NEDD1: variants seen among roughly 807,000 people sequenced by gnomAD.
NEDD1 encodes the protein protein NEDD1.
NEDD1 carries 33 observed loss-of-function variants against 74.0 expected under a neutral mutation model. That is an observed-to-expected ratio of 0.45 (90% confidence interval 0.34 to 0.60). The LOEUF is 0.60. Ranked by LOEUF, NEDD1 falls within the 20% of genes least tolerant of loss-of-function variation. NEDD1 has a pLI of 0.01. For synonymous variants in NEDD1, 250 were observed against 264.4 expected, an observed-to-expected ratio of 0.95 and a Z score of 0.53; for missense variants, 746 against 776.5, an observed-to-expected ratio of 0.96 and a Z score of 0.47.
chr12:96,916,816 G>A (rs1435449526), intron 4 of NEDD1, among the ~76,000 whole-genome samples: 1 of 152,140 alleles, frequency 6.6e-6, no homozygotes, highest in Non-Finnish European at 1.5e-5. Flanking sequence ...TACTTATGAA[G>A]GATGGAATAT....
chr12:96,944,508 A>C, intron 12 of NEDD1, 131 bp from the exon 13 acceptor site: 1 of 486,890 alleles, frequency 2.1e-6, no homozygotes. Context: ...CTTCTTCTAT[A>C]TCTCTTCCTA....
At chr12:96,942,430 A>G in intron 10 of NEDD1, 147 bp from the exon 11 acceptor site, 1 of 605,492 alleles carries the variant, frequency 1.7e-6, no homozygotes, top group South Asian at 2.1e-5. Context: ...AGAAATTTAA[A>G]TCAGTATTCT....
rs1485341787 is a variant in NEDD1 at position 96,938,883 on chromosome 12, G to C, written c.1117+1490G>C. ...TGCCTCTGAAACATTGAGAATAGTA[G>C]ACTCAGTCTCAGATCTGTCACTTCC... On this transcript the variant is annotated intron_variant, in intron 9 of 15. Transcript: ENST00000266742. Among the ~76,000 whole-genome samples the C allele has an allele frequency of 3.3e-5, 5 of 151,952 alleles. No homozygotes were observed. In the East Asian group the frequency reaches 7.7e-4, roughly 23 times the overall value.
chr12:96,936,802 T>C lies in NEDD1; in HGVS notation c.911T>C (p.Val304Ala). The change falls in exon 8 of 16, where the codon GTT (valine) becomes GCT (alanine). Residue 304 changes from valine (V) to alanine (A), a missense_variant. Val to Ala is a moderately conservative substitution (Grantham distance 64). This residue lies in a region of NEDD1 where 706 missense variants were observed against 706.7 expected (regional missense o/e 1.00). Transcript: ENST00000266742. ...TGTATAGCATTTCAGTACTCCACTG[T>C]TCTTACTAAGGTGAGACATTTTCTT... is the stretch of plus-strand genomic sequence containing the variant. ...VQCIAFQYST[V>A]LTKSSLNKGC... The C allele has an allele frequency of 6.3e-7, 1 of 1,597,962 alleles. No homozygotes were observed. The highest frequency in any genetic ancestry group is 8.6e-7 in the Non-Finnish European group (1 of 1,165,954).
chr12:96,910,041 A>C, intron 3 of NEDD1, 146 bp downstream of exon 3: 3 of 860,618 alleles, frequency 3.5e-6, no homozygotes. Context: ...GTAAAATAGT[A>C]ATTTACAAAA....
At chr12:96,945,525 T>C (rs1249398698) in intron 13 of NEDD1, among the ~76,000 whole-genome samples, 168 bp from the exon 14 acceptor site, 2 of 152,116 alleles carry the variant, frequency 1.3e-5, no homozygotes, top group Admixed American at 6.6e-5. Flanking sequence ...AATAATGTTA[T>C]AGAAAGTTTC....
At chr12:96,947,025 G>A (rs2136622483) in intron 14 of NEDD1, among the ~76,000 whole-genome samples, 1 of 152,222 alleles carries the variant, frequency 6.6e-6, no homozygotes, top group South Asian at 2.1e-4. Flanking sequence ...CTTCTTCACA[G>A]TAAGGGTATT....
At chr12:96,945,891 G>GTTT in intron 14 of NEDD1, 42 bp downstream of exon 14, 3 of 1,144,352 alleles carry the variant, frequency 2.6e-6, no homozygotes, top group Non-Finnish European at 2.4e-6. Flanking sequence ...GACCTTACTT[G>GTTT]TTTTTTTTTT....
intron 9 of NEDD1, among the ~76,000 whole-genome samples, chr12:96,939,295 G>A (rs1236786905): frequency 6.6e-6 from 1 of 151,918 alleles, no homozygotes; most frequent in African/African-American, 2.4e-5. Context: ...CCAAACTTCT[G>A]TTTCCTAAAG....
rs143562580 is a variant in NEDD1, at chr12:96,930,211, A to ACTCT, written c.490-4735_490-4732dup. On this transcript the variant is annotated intron_variant, in intron 6 of 15. Coordinates refer to ENST00000266742, the MANE Select transcript of NEDD1 (RefSeq NM_152905.4). ...CACACACACACACACACACACACAC[A>ACTCT]CTCTCTCTCTCTCTCTCTCTCTCTC... is the stretch of plus-strand genomic sequence containing the variant. 1.5e-3 allele frequency among the ~76,000 whole-genome samples: 130 copies of ACTCT among 89,256 alleles called. 1 individual carries two copies. The highest frequency in any genetic ancestry group is 3.2e-3 in the African/African-American group (62 of 19,338). The allele number at this position is 89,256 out of a possible 152,430, so 58.6% of individuals were successfully genotyped here.
In NEDD1 at chr12:96,917,884, A is replaced by AT. The variant is rs2136525087; in HGVS notation, c.348+150dup. 4.1e-6 allele frequency: 4 copies of AT among 974,282 alleles called. No individual in the cohort carries two copies. The East Asian group carries it at 1.3e-4, about 31-fold the overall frequency. 60.4% of individuals were successfully genotyped at this position (974,282 alleles called of 1,614,324 possible). On this transcript the variant is annotated intron_variant, in intron 5 of 15. Coordinates refer to ENST00000266742, the MANE Select transcript of NEDD1 (RefSeq NM_152905.4). ...ATTTGTTAGGGAAAATAAAGGTGCT[A>AT]TTTAGCCAAAAACTTATTTTTATGT...
rs1002797448 is a variant in NEDD1 at position 96,940,671 on chromosome 12, T to A, written c.1246+134T>A. 229 of 504,718 alleles carry A rather than the reference T, an allele frequency of 4.5e-4. 2 individuals are homozygous for A. In the East Asian group the frequency reaches 7.3e-3, roughly 16 times the overall value. 31.3% of individuals were successfully genotyped at this position (504,718 alleles called of 1,614,324 possible). ...CTAATTTTCTCCATCCCTGGGGTGG[T>A]ATCTTTTTCTTTGCCCTGATATTTC... is the stretch of plus-strand genomic sequence containing the variant. On this transcript the variant is annotated intron_variant, in intron 10 of 15. Coordinates refer to ENST00000266742, the MANE Select transcript of NEDD1 (RefSeq NM_152905.4).
chr12:96,945,883 CCTTA>C, intron 14 of NEDD1, 34 bp downstream of exon 14: 3 of 1,406,462 alleles, frequency 2.1e-6, no homozygotes, highest in Non-Finnish European at 2.0e-6. Flanking sequence ...TCTATCTAGA[CCTTA>C]CTTGTTTTTT....
intron 14 of NEDD1, 123 bp downstream of exon 14, chr12:96,945,972 T>G (rs552401657): frequency 3.9e-5 from 23 of 590,814 alleles, no homozygotes; most frequent in African/African-American, 3.7e-4. Context: ...CCTAAAGCCA[T>G]AGAAAACATA....
Position 96,936,627 on chromosome 12 carries a change from G to C in NEDD1, c.736G>C (p.Val246Leu), listed in dbSNP as rs147465310. Residue 246 changes from valine to leucine, a missense_variant, in exon 8 of 16, where the codon GTG (valine) becomes CTG (leucine). Coordinates refer to ENST00000266742, the MANE Select transcript of NEDD1 (RefSeq NM_152905.4). The part of the protein sequence containing the change: ...TSSKKLVKTL[V>L]ADTPLTAVDF... Reference sequence around the variant, plus strand: ...TTTCCAAAGGCTAGTGAAAACTTTAGTGGCTGACACTCCTCTAACTGCGGT... The same window carrying C: ...TTTCCAAAGGCTAGTGAAAACTTTACTGGCTGACACTCCTCTAACTGCGGT... The C allele has an allele frequency of 2.7e-5, 44 of 1,613,360 alleles. 1 individual carries two copies. Among genetic ancestry groups the C allele is most frequent in the Non-Finnish European group, 3.6e-5 (42 of 1,179,548 alleles).
chr12:96,929,449 G>A (rs1876103167), intron 6 of NEDD1, among the ~76,000 whole-genome samples: 2 of 142,816 alleles, frequency 1.4e-5, no homozygotes, highest in South Asian at 4.4e-4. Flanking sequence ...TCATAAGTTT[G>A]TGTGGGATAT....
At position 96,917,804 on chromosome 12, in the gene NEDD1, G is replaced by A. The variant is rs1275956351; in HGVS notation, c.348+67G>A. On this transcript the variant is annotated intron_variant, in intron 5 of 15. Coordinates refer to ENST00000266742, the MANE Select transcript of NEDD1 (RefSeq NM_152905.4). ...TTAATGCATTTAGAGTACTTACCAA[G>A]CTTTTATTTTTGAGCTTTTATGATA... The A allele has an allele frequency of 5.5e-6, 8 of 1,455,720 alleles. No individual in the cohort carries two copies. The South Asian group carries it at 9.0e-5, about 16-fold the overall frequency. The allele number at this position is 1,455,720 out of a possible 1,614,324, so 90.2% of individuals were successfully genotyped here.
chr12:96,951,464 A>G lies in NEDD1; in HGVS notation c.1844A>G (p.Gln615Arg). Residue 615 changes from glutamine to arginine, a missense_variant, in exon 15 of 16, where the codon CAA (glutamine) becomes CGA (arginine). By Grantham distance (43) the Gln-to-Arg change is conservative. Coordinates refer to ENST00000266742, the MANE Select transcript of NEDD1 (RefSeq NM_152905.4). ...EACHRDIVNL[Q>R]VEMIKQFHMQ... ...TGCCATAGGGACATTGTGAATTTGC[A>G]AGTGGAGATGATTAAACAGTTTCAT... 1 of 1,577,424 alleles carries G rather than the reference A, an allele frequency of 6.3e-7. No homozygotes were observed. Among genetic ancestry groups the G allele is most frequent in the Non-Finnish European group, 8.7e-7 (1 of 1,150,778 alleles).
At chr12:96,929,429 CT>C (rs1176721976) in intron 6 of NEDD1, among the ~76,000 whole-genome samples, 1 of 134,530 alleles carries the variant, frequency 7.4e-6, no homozygotes, top group Non-Finnish European at 1.6e-5. Context: ...TCTCCTTGTT[CT>C]CTTTGTTTTC....
Sources: allele counts gnomAD v4.1 joint callset (sites outside exome capture counted in the v4.1 genomes callset), GRCh38; gene constraint gnomAD v4.1.1; regional missense constraint gnomAD v4.1.1; transcripts MANE v1.5; gene names NCBI Gene and HGNC (gene_info 2026-07-23, HGNC 2026-07-21).